PPARG: variants seen among roughly 807,000 people sequenced by gnomAD.
PPARG encodes peroxisome proliferator activated receptor gamma.
PPARG carries 17 observed loss-of-function variants against 39.2 expected under a neutral mutation model. The ratio of observed to expected loss-of-function variants is 0.43; its 90% CI spans 0.30 to 0.65. The LOEUF is 0.65. Ranked by LOEUF, PPARG falls within the 30% of genes least tolerant of loss-of-function variation. The probability of loss-of-function intolerance (pLI) is 0.13; values close to 1 mark genes in which losing one functional copy is unlikely to be tolerated. For missense variants in PPARG, 406 were observed against 585.9 expected, an observed-to-expected ratio of 0.69 and a Z score of 3.17; for synonymous variants, 223 against 215.7, an observed-to-expected ratio of 1.03 and a Z score of -0.30.
intron 2 of PPARG, among the ~76,000 whole-genome samples, chr3:12,326,131 A>G (rs1179082766): frequency 6.6e-6 from 1 of 152,214 alleles, no homozygotes; most frequent in Non-Finnish European, 1.5e-5. Context: ...TAAAGGTTAC[A>G]AAATGTCACC....
chr3:12,311,827 T>C (rs11128598), intron 1 of PPARG, among the ~76,000 whole-genome samples: 38,331 of 152,152 alleles, frequency 0.25, 4,944 homozygotes, highest in East Asian at 0.33. Context: ...GTCTGCTTCG[T>C]GAGGGGTGTG....
At chr3:12,432,137 A>T (rs1257729040) in intron 7 of PPARG, among the ~76,000 whole-genome samples, 1 of 152,188 alleles carries the variant, frequency 6.6e-6, no homozygotes, top group African/African-American at 2.4e-5. Flanking sequence ...TCTGCAAACA[A>T]ATTCTAAGAA....
chr3:12,337,542 A>G (rs1318425650), intron 2 of PPARG, among the ~76,000 whole-genome samples: 1 of 152,200 alleles, frequency 6.6e-6, no homozygotes, highest in African/African-American at 2.4e-5. Flanking sequence ...AAAATCTTAG[A>G]AGCCATCTAA....
chr3:12,423,013 C>T (rs374821968), intron 7 of PPARG, among the ~76,000 whole-genome samples: 31 of 152,098 alleles, frequency 2.0e-4, no homozygotes, highest in African/African-American at 7.2e-4. Context: ...TAGGTTTTGA[C>T]AATTGCTTGA....
chr3:12,422,317 A>G (rs1218037453), intron 7 of PPARG, among the ~76,000 whole-genome samples: 3 of 152,178 alleles, frequency 2.0e-5, no homozygotes, highest in Non-Finnish European at 2.9e-5. Context: ...GGCTGCATAC[A>G]TGGTCTTTCA....
intron 2 of PPARG, among the ~76,000 whole-genome samples, chr3:12,354,902 T>C (rs1439426394): frequency 6.6e-6 from 1 of 152,214 alleles, no homozygotes; most frequent in East Asian, 1.9e-4. Context: ...TGTGAGTGTT[T>C]TGAGAAGATG....
At chr3:12,392,804 G>T in intron 5 of PPARG, 52 bp downstream of exon 5, 1 of 1,607,678 alleles carries the variant, frequency 6.2e-7, no homozygotes, top group South Asian at 1.1e-5. Flanking sequence ...ATAGCTGCCA[G>T]ACCAGTGGAC....
intron 4 of PPARG, among the ~76,000 whole-genome samples, chr3:12,390,389 T>A (rs1158855472): frequency 1.3e-5 from 2 of 152,102 alleles, no homozygotes; most frequent in Non-Finnish European, 2.9e-5. Context: ...CAAACGTCCA[T>A]CTGCATACAA....
At chr3:12,303,749 C>T (rs2046988360) in intron 1 of PPARG, among the ~76,000 whole-genome samples, 1 of 152,222 alleles carries the variant, frequency 6.6e-6, no homozygotes, top group African/African-American at 2.4e-5. Flanking sequence ...GTGAGTGCTT[C>T]GTCATTGGAC....
At chr3:12,287,390 T>C (rs772151166), upstream of PPARG, 19 of 152,274 alleles carry the variant, frequency 1.2e-4, no homozygotes, top group Admixed American at 7.8e-4. Flanking sequence ...CAAGGAACTC[T>C]GAAAGTGTGC....
chr3:12,326,220 C>T (rs1247492632), intron 2 of PPARG, among the ~76,000 whole-genome samples: 1 of 152,056 alleles, frequency 6.6e-6, no homozygotes, highest in Non-Finnish European at 1.5e-5. Context: ...TTGTAAAAAC[C>T]CTGAAGTATG....
intron 2 of PPARG, among the ~76,000 whole-genome samples, chr3:12,332,128 T>G (rs922593189): frequency 2.6e-5 from 4 of 152,214 alleles, no homozygotes; most frequent in African/African-American, 7.2e-5. Flanking sequence ...GGAACTGGAA[T>G]GTACAGTGTA....
intron 7 of PPARG, among the ~76,000 whole-genome samples, chr3:12,426,578 C>G (rs1441925739): frequency 6.6e-6 from 1 of 151,448 alleles, no homozygotes; most frequent in Non-Finnish European, 1.5e-5. Flanking sequence ...AAGAAAAAGG[C>G]TGAAGGGAGC....
chr3:12,313,116 G>A (rs1187693567), intron 2 of PPARG, among the ~76,000 whole-genome samples: 1 of 152,084 alleles, frequency 6.6e-6, no homozygotes, highest in African/African-American at 2.4e-5. Context: ...TCACTTTAAG[G>A]TTTTATGTAG....
chr3:12,409,152 T>C (rs910671785), intron 6 of PPARG, among the ~76,000 whole-genome samples: 1 of 152,220 alleles, frequency 6.6e-6, no homozygotes, highest in African/African-American at 2.4e-5. Context: ...CTTAATTGAA[T>C]TAAACACAGT....
intron 7 of PPARG, among the ~76,000 whole-genome samples, chr3:12,429,551 C>G (rs1334542002): frequency 1.6e-5 from 1 of 62,434 alleles, no homozygotes; most frequent in African/African-American, 6.8e-5. Flanking sequence ...TCTGTCTCTA[C>G]CAAAAAAAAA....
At position 12,351,477 on chromosome 3, in the gene PPARG, T is replaced by C. The variant is rs954326821; in HGVS notation, c.-8-28227T>C. The C allele has an allele frequency of 2.1e-5, 16 of 772,990 alleles. No individual in the cohort carries two copies. The Middle Eastern group carries it at 1.0e-3, about 51-fold the overall frequency. The allele number at this position is 772,990 out of a possible 1,614,324, so 47.9% of individuals were successfully genotyped here. ...ATTTGGAAACTGATGTCTTGACTCATGGGTGTATTCACAAATTCTGTTACT... is the reference window on the plus strand; with the variant it reads ...ATTTGGAAACTGATGTCTTGACTCACGGGTGTATTCACAAATTCTGTTACT... On this transcript the variant is annotated intron_variant, in intron 2 of 7. Transcript: ENST00000651735.
intron 1 of PPARG, among the ~76,000 whole-genome samples, chr3:12,308,993 T>TACA (rs2124982303): frequency 6.6e-6 from 1 of 152,326 alleles, no homozygotes; most frequent in South Asian, 2.1e-4. Context: ...TTGTTATTGT[T>TACA]GATGATGGTT....
At chr3:12,339,995 C>A (rs868048978) in intron 2 of PPARG, among the ~76,000 whole-genome samples, 1 of 152,118 alleles carries the variant, frequency 6.6e-6, no homozygotes, top group Non-Finnish European at 1.5e-5. Context: ...AAGACTGGCT[C>A]CCCATCACTC....
Sources: allele counts gnomAD v4.1 joint callset (sites outside exome capture counted in the v4.1 genomes callset), GRCh38; gene constraint gnomAD v4.1.1; transcripts MANE v1.5; gene names NCBI Gene and HGNC (gene_info 2026-07-23, HGNC 2026-07-21).